The following TEX9 variants were observed in gnomAD, a reference collection of about 807,000 sequenced individuals.
TEX9 encodes the protein testis-expressed protein 9.
TEX9 carries 74 observed loss-of-function variants against 59.6 expected under a neutral mutation model. The ratio of observed to expected loss-of-function variants is 1.24; its 90% CI spans 1.03 to 1.51. TEX9 has a LOEUF of 1.51. Among genes scored for constraint, TEX9 ranks in the 40% most tolerant of loss-of-function variants. The pLI, the probability that TEX9 is intolerant of heterozygous loss-of-function variation, is 0.00. For missense variants in TEX9, 522 were observed against 447.8 expected (o/e 1.17, Z -1.49); for synonymous variants, 186 against 152.2 (o/e 1.22, Z -1.64).
chr15:56,306,257 C>CAAAAAAAAAAAAAAAAAAAAAAAA (rs55882329), intron 1 of TEX9, among the ~76,000 whole-genome samples: 1 of 79,436 alleles, frequency 1.3e-5, no homozygotes, highest in African/African-American at 5.0e-5. Flanking sequence ...AGGTACATAG[C>CAAAAAAAAAAAAAAAAAAAAAAAA]AAAAAAAAAA....
chr15:56,292,487 G>T (rs921058169), intron 1 of TEX9, among the ~76,000 whole-genome samples: 1 of 152,160 alleles, frequency 6.6e-6, no homozygotes, highest in Non-Finnish European at 1.5e-5. Context: ...GGCAAAAATA[G>T]CAACTACAGC....
chr15:56,369,890 A>C (rs1284672393), intron 2 of TEX9, among the ~76,000 whole-genome samples: 3 of 152,196 alleles, frequency 2.0e-5, no homozygotes, highest in African/African-American at 7.2e-5. Context: ...TAGTTTAAAA[A>C]AATTCCTTAT....
At chr15:56,412,389 G>A in exon 10 of TEX9, 1 of 1,613,046 alleles carries the variant, frequency 6.2e-7, no homozygotes. Context: ...TCTAGAAGAA[G>A]CAGAAAAGTA....
At chr15:56,360,747 C>T (rs74015411), upstream of TEX9, among the ~76,000 whole-genome samples, 252 of 152,272 alleles carry the variant, frequency 1.7e-3, 2 homozygotes, top group African/African-American at 5.9e-3. Context: ...AATATGAAGC[C>T]ATACCTCTTC....
intron 10 of TEX9, among the ~76,000 whole-genome samples, chr15:56,426,419 C>T (rs1691085355): frequency 6.6e-6 from 1 of 151,674 alleles, no homozygotes; most frequent in Non-Finnish European, 1.5e-5. Flanking sequence ...GTTGCTGCTG[C>T]TGACTGACTG....
chr15:56,308,418 G>A (rs1192325364), intron 1 of TEX9, among the ~76,000 whole-genome samples: 2 of 152,036 alleles, frequency 1.3e-5, no homozygotes, highest in African/African-American at 2.4e-5. Context: ...AATTATTGGT[G>A]TTTTGTTGAG....
intron 10 of TEX9, among the ~76,000 whole-genome samples, chr15:56,414,390 T>C (rs144451749): frequency 6.6e-6 from 1 of 151,598 alleles, no homozygotes; most frequent in Non-Finnish European, 1.5e-5. Context: ...CCTCTCCCTT[T>C]TTCCACCTTC....
At chr15:56,309,960 A>C (rs1364498529) in intron 1 of TEX9, among the ~76,000 whole-genome samples, 2 of 152,106 alleles carry the variant, frequency 1.3e-5, no homozygotes, top group Non-Finnish European at 2.9e-5. Context: ...CATCTGGGTA[A>C]CTGGCATTTA....
intron 1 of TEX9, among the ~76,000 whole-genome samples, chr15:56,248,272 G>C (rs1293701149): frequency 6.6e-6 from 1 of 152,204 alleles, no homozygotes; most frequent in East Asian, 1.9e-4. Context: ...TCAATACCAA[G>C]AGTGCTAATG....
chr15:56,333,611 G>A (rs2046202043), intron 1 of TEX9, among the ~76,000 whole-genome samples: 1 of 152,186 alleles, frequency 6.6e-6, no homozygotes, highest in South Asian at 2.1e-4. Flanking sequence ...TCTAAGAGCT[G>A]GAACAAGACA....
At chr15:56,443,886 T>C in intron 12 of TEX9, 3 of 1,432,696 alleles carry the variant, frequency 2.1e-6, no homozygotes, top group Non-Finnish European at 2.8e-6. Flanking sequence ...AGATTTATAG[T>C]AAACAATAAA....
chr15:56,286,803 C>T (rs1476003750), intron 1 of TEX9, among the ~76,000 whole-genome samples: 2 of 152,166 alleles, frequency 1.3e-5, no homozygotes, highest in African/African-American at 4.8e-5. Context: ...ATTACTACAT[C>T]TTTAGTTCTC....
intron 1 of TEX9, among the ~76,000 whole-genome samples, chr15:56,316,979 A>T (rs2045785989): frequency 6.6e-6 from 1 of 152,180 alleles, no homozygotes; most frequent in African/African-American, 2.4e-5. Flanking sequence ...TGCGCTTCCC[A>T]AGTGAGGCAA....
intron 2 of TEX9, chr15:56,365,898 G>A (rs2046920116): frequency 1.5e-6 from 2 of 1,368,420 alleles, no homozygotes; most frequent in Non-Finnish European, 1.9e-6. Context: ...GCCCAAGTAA[G>A]CATGTTGTTT....
intron 3 of TEX9, among the ~76,000 whole-genome samples, chr15:56,382,306 C>G (rs1567111504): frequency 6.6e-6 from 1 of 152,182 alleles, no homozygotes; most frequent in Non-Finnish European, 1.5e-5. Context: ...GTCTAAGAGT[C>G]AAATCCTGGA....
intron 1 of TEX9, among the ~76,000 whole-genome samples, chr15:56,353,990 C>A (rs781447303): frequency 1.3e-5 from 2 of 152,118 alleles, no homozygotes; most frequent in African/African-American, 4.8e-5. Context: ...TTATTTTTCT[C>A]TCATTTTGCT....
chr15:56,411,544 G>C (rs1284609945), intron 9 of TEX9, among the ~76,000 whole-genome samples: 1 of 152,056 alleles, frequency 6.6e-6, no homozygotes, highest in African/African-American at 2.4e-5. Flanking sequence ...GCAGAGATCA[G>C]GGCAGGAGGA....
Position 56,394,265 on chromosome 15 carries a change from C to A in TEX9, c.654+18C>A. On this transcript the variant is annotated intron_variant, in intron 8 of 12. Transcript: ENST00000352903. The stretch of plus-strand genomic sequence containing the variant: ...ATAAAAAGGTAAGTTTTAAAAACCT[C>A]TTAAAAGGCTCTAATATTCAAAGAT... 1 of 1,566,632 alleles carries A rather than the reference C, an allele frequency of 6.4e-7. No individual in the cohort carries two copies. Among genetic ancestry groups the A allele is most frequent in the South Asian group, 1.2e-5 (1 of 82,840 alleles).
intron 1 of TEX9, among the ~76,000 whole-genome samples, chr15:56,267,178 A>G (rs2044405891): frequency 6.6e-6 from 1 of 151,588 alleles, no homozygotes; most frequent in South Asian, 2.1e-4. Flanking sequence ...GGGTTGTTTG[A>G]TTTTCTTCCT....
Sources: allele counts gnomAD v4.1 joint callset (sites outside exome capture counted in the v4.1 genomes callset), GRCh38; gene constraint gnomAD v4.1.1; transcripts MANE v1.5; gene names NCBI Gene and HGNC (gene_info 2026-07-23, HGNC 2026-07-21).